The following TCEANC2 variants were observed in gnomAD, a reference collection of about 807,000 sequenced individuals.
The protein encoded by TCEANC2 is transcription elongation factor A N-terminal and central domain-containing protein 2.
Under a neutral mutation model 22.8 loss-of-function variants are expected in TCEANC2, and 20 were observed. The observed-to-expected ratio is 0.88, with a 90% CI of 0.62 to 1.28. The LOEUF is 1.28. Among genes scored for constraint, TCEANC2 ranks in the 50% most tolerant of loss-of-function variants. The probability of loss-of-function intolerance (pLI) is 0.00; values close to 1 mark genes in which losing one functional copy is unlikely to be tolerated. For synonymous variants in TCEANC2, 84 were observed against 95.5 expected, an observed-to-expected ratio of 0.88 and a Z score of 0.70; for missense variants, 251 against 249.7, an observed-to-expected ratio of 1.01 and a Z score of -0.03.
At chr1:54,056,064 A>G (rs1034826842) in intron 2 of TCEANC2, among the ~76,000 whole-genome samples, 1 of 152,202 alleles carries the variant, frequency 6.6e-6, no homozygotes, top group Non-Finnish European at 1.5e-5. Flanking sequence ...CACTTGATTG[A>G]GCCCTACCAA....
rs148575165 is a variant in TCEANC2, at chr1:54,089,612, G to A, written c.438+822G>A. Reference sequence around the variant, plus strand: ...TCCCAGGATATCCCAGAGCAACTCTGCTAAAGTATCCTTAAAGAACAATTT... The same window carrying A: ...TCCCAGGATATCCCAGAGCAACTCTACTAAAGTATCCTTAAAGAACAATTT... On this transcript the variant is annotated intron_variant, in intron 4 of 4. Transcript: ENST00000234827. 1.1e-4 allele frequency among the ~76,000 whole-genome samples: 17 copies of A among 152,254 alleles called. No individual in the cohort carries two copies. In the East Asian group the frequency reaches 3.3e-3, roughly 29 times the overall value.
At position 54,096,392 on chromosome 1, in the gene TCEANC2, A is replaced by G. The variant is rs766081140; in HGVS notation, c.546A>G (p.Leu182=). The G allele has an allele frequency of 3.4e-5, 55 of 1,613,708 alleles. No individual in the cohort carries two copies. Among genetic ancestry groups the G allele is most frequent in the Non-Finnish European group, 4.7e-5 (55 of 1,179,562 alleles). Residue 182 remains leucine (L), a synonymous_variant, in exon 5 of 5, where the codon TTA becomes TTG. Transcript: ENST00000234827. This position sits in a 1 kb window ranked among gnomAD's most constrained non-coding sequence, Gnocchi z 4.9. ...CGGTGAGAGCCCTGGTCTTCACATT[A>G]AAGCACCGAGCTGAAATCCGGGCTC... The part of the protein sequence containing the change: ...RRTVRALVFT[L]KHRAEIRAQV...
chr1:54,089,764 T>C (rs1658407494), intron 4 of TCEANC2: 2 of 343,014 alleles, frequency 5.8e-6, no homozygotes, highest in South Asian at 7.6e-5. Flanking sequence ...TGTGATATAG[T>C]ACTTACTTTT....
chr1:54,054,310 T>C, intron 1 of TCEANC2, 71 bp from the exon 2 acceptor site: 3 of 1,518,380 alleles, frequency 2.0e-6, no homozygotes, highest in Non-Finnish European at 2.6e-6. Context: ...AACTCAATTG[T>C]GTTACTTTGG....
At chr1:54,072,119 T>G (rs2100365391) in intron 3 of TCEANC2, among the ~76,000 whole-genome samples, 1 of 152,072 alleles carries the variant, frequency 6.6e-6, no homozygotes, top group Middle Eastern at 3.4e-3. Flanking sequence ...GCAACAACAA[T>G]TATTTCTTCA....
At chr1:54,075,928 C>G (rs915829161) in intron 3 of TCEANC2, among the ~76,000 whole-genome samples, 1 of 151,322 alleles carries the variant, frequency 6.6e-6, no homozygotes, top group East Asian at 1.9e-4. Flanking sequence ...GCAGGAGAAC[C>G]CGGGAAGCTG....
chr1:54,099,743 C>CA lies in TCEANC2; in HGVS notation c.*3287dup, dbSNP rs36005233. On this transcript the variant is annotated 3_prime_UTR_variant, in exon 5 of 5. Coordinates refer to ENST00000234827, the MANE Select transcript of TCEANC2 (RefSeq NM_153035.3). ...TGGGCAACAGAGTGAGACTCTGTCTCAAAAAAAAAAAAAAAAAGAGAAAAA... is the reference window on the plus strand; with the variant it reads ...TGGGCAACAGAGTGAGACTCTGTCTCAAAAAAAAAAAAAAAAAAGAGAAAAA... 8.8e-3 allele frequency: 951 copies of CA among 108,118 alleles called. 7 individuals carry two copies. The highest frequency in any genetic ancestry group is 0.015 in the South Asian group (47 of 3,206). The allele number at this position is 108,118 out of a possible 1,614,324, so 6.7% of individuals were successfully genotyped here.
Position 54,089,985 on chromosome 1 carries a change from A to G in TCEANC2, c.438+1195A>G, listed in dbSNP as rs1189372613. Reference sequence around the variant, plus strand: ...TAAATATGGTAGTGCTGTATTAGCTAGTGGAACCACTTTCTGTATTGCTAT... The same window carrying G: ...TAAATATGGTAGTGCTGTATTAGCTGGTGGAACCACTTTCTGTATTGCTAT... On this transcript the variant is annotated intron_variant, in intron 4 of 4. Transcript: ENST00000234827. 3 of 691,864 alleles carry G rather than the reference A, an allele frequency of 4.3e-6. No individual in the cohort carries two copies. In the African/African-American group the frequency reaches 5.4e-5, roughly 12 times the overall value. The allele number at this position is 691,864 out of a possible 1,614,324, so 42.9% of individuals were successfully genotyped here. A position where few individuals can be genotyped will look rare whatever the true frequency, so the allele number is the denominator to read the frequency against.
chr1:54,054,274 C>T (rs958696986), intron 1 of TCEANC2, 107 bp from the exon 2 acceptor site: 5 of 1,454,870 alleles, frequency 3.4e-6, no homozygotes, highest in Non-Finnish European at 4.5e-6. Context: ...CACTCGAGGC[C>T]CCATAATTCA....
downstream of TCEANC2, among the ~76,000 whole-genome samples, chr1:54,109,422 G>A (rs1431304181): frequency 2.6e-5 from 4 of 152,188 alleles, no homozygotes; most frequent in African/African-American, 9.7e-5. Flanking sequence ...TGGGTGGCCT[G>A]AGTGCTGGGC....
At position 54,104,760 on chromosome 1, in the gene TCEANC2, T is replaced by C. The variant is rs1419860596; in HGVS notation, c.*8287T>C. ...TTTCGCCATGTTGGCCAGACTAGTT[T>C]TGAACTTCTGGCCTCAAGCAGTCCA... On this transcript the variant is annotated 3_prime_UTR_variant, in exon 5 of 5. Transcript: ENST00000234827. 4.5e-6 allele frequency: 2 copies of C among 445,240 alleles called. No homozygotes were observed. Among genetic ancestry groups the C allele is most frequent in the Non-Finnish European group, 9.1e-6 (2 of 219,226 alleles). 27.6% of individuals were successfully genotyped at this position (445,240 alleles called of 1,614,324 possible). A position where few individuals can be genotyped will look rare whatever the true frequency, so the allele number is the denominator to read the frequency against.
chr1:54,081,864 C>T (rs1231882841), intron 3 of TCEANC2, among the ~76,000 whole-genome samples: 1 of 152,186 alleles, frequency 6.6e-6, no homozygotes, highest in Non-Finnish European at 1.5e-5. Flanking sequence ...AAAGCAGTGA[C>T]TCCACTGTCC....
intron 3 of TCEANC2, among the ~76,000 whole-genome samples, chr1:54,079,588 C>G (rs926602139): frequency 2.0e-5 from 3 of 152,130 alleles, no homozygotes; most frequent in Non-Finnish European, 2.9e-5. Context: ...TCAAAACTTG[C>G]AATGGTAGGT....
chr1:54,074,673 T>C (rs1324307065), intron 3 of TCEANC2, among the ~76,000 whole-genome samples: 2 of 152,202 alleles, frequency 1.3e-5, no homozygotes, highest in Non-Finnish European at 2.9e-5. Context: ...ATTGGTTAGC[T>C]TTGTCCATTC....
intron 3 of TCEANC2, among the ~76,000 whole-genome samples, chr1:54,073,783 A>G (rs927357178): frequency 1.3e-5 from 2 of 152,206 alleles, no homozygotes; most frequent in African/African-American, 4.8e-5. Flanking sequence ...AGCTACTAAA[A>G]CATCTGCATA....
rs1658648761 is a variant in TCEANC2 at position 54,100,700 on chromosome 1, T to C, written c.*4227T>C. On this transcript the variant is annotated 3_prime_UTR_variant, in exon 5 of 5. Transcript: ENST00000234827. ...TGAGGTGGCTGAAGCATAAGGTTCT[T>C]AGGAATGGTAGTGAGAAATTGGGCA... is the stretch of plus-strand genomic sequence containing the variant. 6.6e-6 allele frequency: 1 copy of C among 152,118 alleles called. No individual in the cohort carries two copies. Among genetic ancestry groups the C allele is most frequent in the Admixed American group, 6.5e-5 (1 of 15,270 alleles). The allele number at this position is 152,118 out of a possible 1,614,324, so 9.4% of individuals were successfully genotyped here.
chr1:54,074,026 A>C (rs1658102721), intron 3 of TCEANC2, among the ~76,000 whole-genome samples: 2 of 152,202 alleles, frequency 1.3e-5, no homozygotes, highest in African/African-American at 4.8e-5. Context: ...GGGAATAATA[A>C]GTTCCATTTT....
intron 3 of TCEANC2, among the ~76,000 whole-genome samples, chr1:54,069,527 G>T (rs1658017851): frequency 6.6e-6 from 1 of 151,188 alleles, no homozygotes; most frequent in Non-Finnish European, 1.5e-5. Context: ...AGAATTGCTT[G>T]AACCTGGGAG....
chr1:54,078,812 G>A (rs1003511272), intron 3 of TCEANC2, among the ~76,000 whole-genome samples: 2 of 152,190 alleles, frequency 1.3e-5, no homozygotes, highest in African/African-American at 4.8e-5. Flanking sequence ...GTGGGAGGAA[G>A]AAGAGGAGCC....
Sources: gnomAD v4.1 joint callset for allele counts (sites outside exome capture counted in the v4.1 genomes callset) on GRCh38, gnomAD v4.1.1 for gene constraint, Gnocchi (gnomAD v3.1) non-coding constraint, MANE v1.5 for transcripts, NCBI Gene and HGNC (gene_info 2026-07-23, HGNC 2026-07-21) for gene names.